The following KAZN variants were observed in gnomAD, a reference collection of about 807,000 sequenced individuals.
KAZN encodes kazrin, periplakin interacting protein.
A neutral mutation model predicts 87.4 loss-of-function variants in KAZN; 40 were observed. The observed-to-expected ratio is 0.46, with a 90% CI of 0.36 to 0.60. KAZN has a LOEUF of 0.60. Ranked by LOEUF, KAZN falls within the 20% of genes least tolerant of loss-of-function variation. The pLI, the probability that KAZN is intolerant of heterozygous loss-of-function variation, is 0.00. For synonymous variants in KAZN, 466 were observed against 458.3 expected, an observed-to-expected ratio of 1.02 and a Z score of -0.22; for missense variants, 898 against 1,073.9, an observed-to-expected ratio of 0.84 and a Z score of 2.29.
At chr1:15,070,274 GACTC>G (rs1326899808) in intron 8 of KAZN, among the ~76,000 whole-genome samples, 3 of 152,208 alleles carry the variant, frequency 2.0e-5, no homozygotes, top group African/African-American at 7.2e-5. Flanking sequence ...TCACTTTTGT[GACTC>G]AGTCTGTTTC....
At chr1:14,327,480 C>T (rs1422583401) in intron 2 of KAZN, among the ~76,000 whole-genome samples, 1 of 152,218 alleles carries the variant, frequency 6.6e-6, no homozygotes, top group Non-Finnish European at 1.5e-5. Flanking sequence ...GTCTCTCCCT[C>T]GTCTGTTCTC....
intron 1 of KAZN, among the ~76,000 whole-genome samples, chr1:14,909,860 G>A (rs116442339): frequency 2.6e-5 from 4 of 152,026 alleles, no homozygotes; most frequent in Non-Finnish European, 2.9e-5. Flanking sequence ...CGAGATCAGC[G>A]TGGGCAACAT....
chr1:14,183,280 G>A (rs1025952718), intron 2 of KAZN, among the ~76,000 whole-genome samples: 1 of 152,162 alleles, frequency 6.6e-6, no homozygotes, highest in South Asian at 2.1e-4. Context: ...TAATGGGGAA[G>A]CCAGAGATGA....
At chr1:14,945,931 G>C in intron 1 of KAZN, 1 of 985,390 alleles carries the variant, frequency 1.0e-6, no homozygotes, top group Non-Finnish European at 1.2e-6. Flanking sequence ...ATCAGCAGCT[G>C]TCTGCCAGTG....
chr1:14,023,420 C>A (rs1027780192), intron 1 of KAZN, among the ~76,000 whole-genome samples: 1 of 152,176 alleles, frequency 6.6e-6, no homozygotes, highest in African/African-American at 2.4e-5. Flanking sequence ...ATCACCAAAT[C>A]TCTATGAGGA....
chr1:14,461,687 CGA>C (rs1667859407), intron 2 of KAZN, among the ~76,000 whole-genome samples: 1 of 152,108 alleles, frequency 6.6e-6, no homozygotes, highest in Admixed American at 6.6e-5. Context: ...CCAGCACTGC[CGA>C]GAGGGGTGGT....
At chr1:14,808,821 T>C (rs1042075333) in intron 1 of KAZN, among the ~76,000 whole-genome samples, 11 of 152,162 alleles carry the variant, frequency 7.2e-5, no homozygotes, top group African/African-American at 2.7e-4. Flanking sequence ...CAGAGTTGGT[T>C]TAGGGCTCAG....
chr1:14,822,745 C>T (rs149678957), intron 1 of KAZN, among the ~76,000 whole-genome samples: 3 of 152,194 alleles, frequency 2.0e-5, no homozygotes, highest in Non-Finnish European at 2.9e-5. Context: ...TGGTCTATCC[C>T]GTCTTTCCTT....
At chr1:15,069,348 A>T (rs1639404242) in intron 8 of KAZN, among the ~76,000 whole-genome samples, 1 of 152,232 alleles carries the variant, frequency 6.6e-6, no homozygotes, top group Non-Finnish European at 1.5e-5. Context: ...CCCGTCTCTC[A>T]TGCGGGACAT....
chr1:14,077,449 T>C (rs924239535), intron 1 of KAZN, among the ~76,000 whole-genome samples: 2 of 152,224 alleles, frequency 1.3e-5, no homozygotes, highest in Admixed American at 1.3e-4. Flanking sequence ...AAGATCTTTC[T>C]TCAGCATTGT....
At chr1:14,091,684 T>TG (rs1356463070) in intron 1 of KAZN, among the ~76,000 whole-genome samples, 1 of 152,224 alleles carries the variant, frequency 6.6e-6, no homozygotes, top group African/African-American at 2.4e-5. Flanking sequence ...TCATAACTTT[T>TG]GGGGGCCTAT....
chr1:14,387,830 G>A (rs2101075859), intron 2 of KAZN, among the ~76,000 whole-genome samples: 1 of 152,238 alleles, frequency 6.6e-6, no homozygotes, highest in African/African-American at 2.4e-5. Flanking sequence ...CTTGAGCTGT[G>A]GTGGGCTCCA....
intron 2 of KAZN, among the ~76,000 whole-genome samples, chr1:14,974,563 C>T (rs1406279650): frequency 3.9e-5 from 6 of 152,100 alleles, no homozygotes; most frequent in Non-Finnish European, 7.4e-5. Flanking sequence ...AAACTGGAAT[C>T]GGCCCAAAGG....
At chr1:13,988,534 G>T (rs893591560) in intron 1 of KAZN, among the ~76,000 whole-genome samples, 1 of 152,026 alleles carries the variant, frequency 6.6e-6, no homozygotes, top group Non-Finnish European at 1.5e-5. Flanking sequence ...ACAGCGCATG[G>T]GGTGTCATCT....
rs559958739 is a variant in KAZN, at chr1:15,043,796, C to G, written c.556-193C>G. On this transcript the variant is annotated intron_variant, in intron 3 of 14. Transcript: ENST00000376030. ...TAGCTGGGACTACAGGTGCCCGCCA[C>G]CATGCCTGGCTAATTTTTTTGTGTT... Among the ~76,000 whole-genome samples the G allele has an allele frequency of 8.9e-4, 136 of 152,214 alleles. 1 individual carries two copies. Among genetic ancestry groups the G allele is most frequent in the Admixed American group, 1.4e-3 (21 of 15,294 alleles).
chr1:15,058,628 C>G (rs917265051), intron 5 of KAZN, among the ~76,000 whole-genome samples: 1 of 152,214 alleles, frequency 6.6e-6, no homozygotes, highest in Non-Finnish European at 1.5e-5. Flanking sequence ...GTGCCAGGCA[C>G]CATGAGCTCT....
intron 2 of KAZN, among the ~76,000 whole-genome samples, chr1:14,231,794 C>T (rs12093438): frequency 0.012 from 1,793 of 152,306 alleles, 22 homozygotes; most frequent in African/African-American, 0.041. Context: ...ATCTCACCTG[C>T]TTAGTACAGC....
At chr1:14,713,963 A>C (rs999215922) in intron 1 of KAZN, among the ~76,000 whole-genome samples, 1 of 152,114 alleles carries the variant, frequency 6.6e-6, no homozygotes, top group Non-Finnish European at 1.5e-5. Flanking sequence ...CTCAAGAAAC[A>C]AAAGAAAGAA....
At chr1:14,881,114 C>G (rs1653294457) in intron 1 of KAZN, among the ~76,000 whole-genome samples, 1 of 152,242 alleles carries the variant, frequency 6.6e-6, no homozygotes, top group Non-Finnish European at 1.5e-5. Flanking sequence ...CCAAATTGCT[C>G]TTTCCCAATA....
Sources: allele counts gnomAD v4.1 joint callset (sites outside exome capture counted in the v4.1 genomes callset), GRCh38; gene constraint gnomAD v4.1.1; transcripts MANE v1.5; gene names NCBI Gene and HGNC (gene_info 2026-07-23, HGNC 2026-07-21).